The following AFG1L variants were observed in gnomAD, a reference collection of about 807,000 sequenced individuals.
The protein encoded by AFG1L is AFG1-like ATPase.
A neutral mutation model predicts 62.2 loss-of-function variants in AFG1L; 53 were observed. That is an observed-to-expected ratio of 0.85 (90% confidence interval 0.68 to 1.07). The LOEUF is 1.07. Ranked by LOEUF, AFG1L falls within the 50% of genes least tolerant of loss-of-function variation. The pLI, the probability that AFG1L is intolerant of heterozygous loss-of-function variation, is 0.00. For missense variants in AFG1L, 555 were observed against 590.5 expected (o/e 0.94, Z 0.62); for synonymous variants, 228 against 210.3 (o/e 1.08, Z -0.73).
intron 10 of AFG1L, among the ~76,000 whole-genome samples, chr6:108,481,544 G>A (rs1004129901): frequency 1.3e-5 from 2 of 152,030 alleles, no homozygotes; most frequent in African/African-American, 2.4e-5. Flanking sequence ...AGGAATCAAG[G>A]CAATAGCACC....
At chr6:108,414,391 A>G (rs891443697) in intron 7 of AFG1L, among the ~76,000 whole-genome samples, 1 of 152,218 alleles carries the variant, frequency 6.6e-6, no homozygotes, top group Non-Finnish European at 1.5e-5. Context: ...CAATTAATAG[A>G]AAAAGAGGGA....
chr6:108,352,250 C>A (rs558481908), intron 3 of AFG1L, among the ~76,000 whole-genome samples: 3 of 151,940 alleles, frequency 2.0e-5, no homozygotes, highest in Non-Finnish European at 2.9e-5. Flanking sequence ...AATATTTGTC[C>A]TTTTGGGTCT....
intron 6 of AFG1L, chr6:108,387,658 T>C (rs1780829026): frequency 6.6e-6 from 1 of 152,184 alleles, no homozygotes; most frequent in Non-Finnish European, 1.5e-5. Context: ...AAAGAAGAAA[T>C]ATTTTCAACA....
intron 6 of AFG1L, among the ~76,000 whole-genome samples, chr6:108,387,309 C>T (rs776242713): frequency 6.6e-5 from 10 of 152,232 alleles, no homozygotes; most frequent in Non-Finnish European, 1.3e-4. Flanking sequence ...TGTGGCCACA[C>T]CATGGTCTCA....
At chr6:108,333,198 T>C (rs1778344361) in intron 2 of AFG1L, among the ~76,000 whole-genome samples, 2 of 150,634 alleles carry the variant, frequency 1.3e-5, no homozygotes, top group Non-Finnish European at 3.0e-5. Context: ...TCACCTGAGG[T>C]CAGGAGTTCG....
At chr6:108,439,471 A>T (rs1437054931) in intron 7 of AFG1L, among the ~76,000 whole-genome samples, 2 of 152,174 alleles carry the variant, frequency 1.3e-5, no homozygotes, top group Admixed American at 1.3e-4. Flanking sequence ...TTCCATGTAG[A>T]TGGAAGAATC....
chr6:108,456,369 A>G (rs1772252340), intron 8 of AFG1L, among the ~76,000 whole-genome samples: 1 of 152,058 alleles, frequency 6.6e-6, no homozygotes, highest in South Asian at 2.1e-4. Flanking sequence ...TTTATTTTTT[A>G]TGCAATCTGA....
chr6:108,395,323 C>G (rs952272761), intron 6 of AFG1L, among the ~76,000 whole-genome samples: 1 of 150,064 alleles, frequency 6.7e-6, no homozygotes, highest in African/African-American at 2.5e-5. Flanking sequence ...TAATGCCATA[C>G]TTTTTAAAAA....
intron 6 of AFG1L, among the ~76,000 whole-genome samples, chr6:108,398,629 A>T (rs1658638821): frequency 6.6e-6 from 1 of 152,184 alleles, no homozygotes; most frequent in African/African-American, 2.4e-5. Flanking sequence ...ATTTTTCTAT[A>T]AGGTGAGATA....
At position 108,328,841 on chromosome 6, in the gene AFG1L, C is replaced by T. The variant is rs974279057; in HGVS notation, c.363+4793C>T. Among the ~76,000 whole-genome samples the T allele has an allele frequency of 1.1e-4, 16 of 152,170 alleles. No homozygotes were observed. The South Asian group carries it at 2.5e-3, about 24-fold the overall frequency. ...TTGGCTCTTCTTAGGGGTATTTTCC[C>T]GTATGTCCACCTTTGATATCTGAGT... is the stretch of plus-strand genomic sequence containing the variant. On this transcript the variant is annotated intron_variant, in intron 2 of 12. Transcript: ENST00000368977.
chr6:108,452,065 C>T (rs1772079353), intron 8 of AFG1L, among the ~76,000 whole-genome samples: 2 of 152,122 alleles, frequency 1.3e-5, no homozygotes, highest in African/African-American at 4.8e-5. Flanking sequence ...ACAAGGTCCC[C>T]ATGCTGAAGT....
At chr6:108,463,741 A>G (rs1772557004) in intron 8 of AFG1L, among the ~76,000 whole-genome samples, 2 of 152,228 alleles carry the variant, frequency 1.3e-5, no homozygotes, top group South Asian at 4.1e-4. Flanking sequence ...CTGAACAGTC[A>G]GTTAAGCCTT....
chr6:108,512,931 A>G (rs1299736578), intron 11 of AFG1L, among the ~76,000 whole-genome samples: 1 of 152,226 alleles, frequency 6.6e-6, no homozygotes, highest in African/African-American at 2.4e-5. Context: ...CATGTAAATA[A>G]TGAAAAATTG....
Position 108,524,180 on chromosome 6 carries a change from GATAA to G in AFG1L, c.*1758_*1761del, listed in dbSNP as rs1562213534. The G allele has an allele frequency of 6.6e-6, 1 of 152,192 alleles. No homozygotes were observed. The highest frequency in any genetic ancestry group is 2.4e-5 in the African/African-American group (1 of 41,438). 9.4% of individuals were successfully genotyped at this position (152,192 alleles called of 1,614,324 possible). A position where few individuals can be genotyped will look rare whatever the true frequency, so the allele number is the denominator to read the frequency against. On this transcript the variant is annotated 3_prime_UTR_variant, in exon 13 of 13. Coordinates refer to ENST00000368977, the MANE Select transcript of AFG1L (RefSeq NM_145315.5). ...ATTTAACTCAGTGAATGAAGTTGAA[GATAA>G]ATTCACAACAGAACCATTGATTTGA...
At chr6:108,468,475 GT>G (rs1036271252) in intron 8 of AFG1L, among the ~76,000 whole-genome samples, 1 of 152,094 alleles carries the variant, frequency 6.6e-6, no homozygotes, top group African/African-American at 2.4e-5. Context: ...TCCTCTTGAA[GT>G]TTTTAGAGTA....
chr6:108,307,412 AT>A (rs5878975), intron 1 of AFG1L, among the ~76,000 whole-genome samples: 84,646 of 136,420 alleles, frequency 0.62, 25,131 homozygotes, highest in East Asian at 0.76. Flanking sequence ...CTTTCATCTT[AT>A]TTTTTTTTTT....
chr6:108,468,775 G>A (rs62428894), intron 8 of AFG1L, among the ~76,000 whole-genome samples: 103 of 120,852 alleles, frequency 8.5e-4, no homozygotes, highest in African/African-American at 3.2e-3. Flanking sequence ...TTTTTTTTTG[G>A]TCTTTTTGTT....
chr6:108,471,290 G>A (rs1772883009), intron 8 of AFG1L, among the ~76,000 whole-genome samples: 3 of 152,004 alleles, frequency 2.0e-5, no homozygotes, highest in African/African-American at 7.3e-5. Flanking sequence ...GTATAAGACT[G>A]AACTAAATAC....
chr6:108,327,066 G>C (rs1778074316), intron 2 of AFG1L, among the ~76,000 whole-genome samples: 1 of 152,058 alleles, frequency 6.6e-6, no homozygotes, highest in African/African-American at 2.4e-5. Flanking sequence ...GGACGATATA[G>C]GGAGACCCTG....
Sources: allele counts gnomAD v4.1 joint callset (sites outside exome capture counted in the v4.1 genomes callset), GRCh38; gene constraint gnomAD v4.1.1; transcripts MANE v1.5; gene names NCBI Gene and HGNC (gene_info 2026-07-23, HGNC 2026-07-21).